Variants in SGMS1 observed in about 807,000 individuals in gnomAD.
SGMS1 encodes sphingomyelin synthase 1, also known as phosphatidylcholine:ceramide cholinephosphotransferase 1.
A neutral mutation model predicts 46.2 loss-of-function variants in SGMS1; 13 were observed. That is an observed-to-expected ratio of 0.28 (90% CI 0.18 to 0.45). The LOEUF is 0.45. Among genes scored for constraint, SGMS1 ranks in the 20% least tolerant of loss-of-function variants. The pLI is 1.00. For missense variants in SGMS1, 324 were observed against 519.9 expected (o/e 0.62, Z 3.66); for synonymous variants, 203 against 187.8 (o/e 1.08, Z -0.66).
chr10:50,540,030 C>T (rs996006205), intron 2 of SGMS1, among the ~76,000 whole-genome samples: 2 of 152,070 alleles, frequency 1.3e-5, no homozygotes, highest in African/African-American at 4.8e-5. Flanking sequence ...TTTGAATATG[C>T]TCTACTAATT....
chr10:50,417,764 A>C (rs1330431626), intron 6 of SGMS1, among the ~76,000 whole-genome samples: 1 of 152,164 alleles, frequency 6.6e-6, no homozygotes, highest in Non-Finnish European at 1.5e-5. Flanking sequence ...TGATAACCCC[A>C]AACAGAAACC....
intron 6 of SGMS1, among the ~76,000 whole-genome samples, chr10:50,355,145 T>A (rs1848119143): frequency 6.6e-6 from 1 of 152,222 alleles, no homozygotes; most frequent in Admixed American, 6.5e-5. Context: ...CATGCACATG[T>A]ATGTTTACTG....
chr10:50,504,921 A>T (rs1296731509), intron 3 of SGMS1, among the ~76,000 whole-genome samples: 1 of 152,208 alleles, frequency 6.6e-6, no homozygotes, highest in African/African-American at 2.4e-5. Context: ...AAGATACAAT[A>T]AAAAAGTCAA....
chr10:50,545,343 T>C (rs1277466065), intron 2 of SGMS1, among the ~76,000 whole-genome samples: 1 of 152,160 alleles, frequency 6.6e-6, no homozygotes, highest in Non-Finnish European at 1.5e-5. Context: ...AGCCAAGGCA[T>C]TGGAAAGTAG....
At chr10:50,409,716 A>T (rs891915109) in intron 6 of SGMS1, among the ~76,000 whole-genome samples, 3 of 152,206 alleles carry the variant, frequency 2.0e-5, no homozygotes, top group Non-Finnish European at 4.4e-5. Flanking sequence ...CTCTTTCGAT[A>T]TATCAACGGG....
intron 7 of SGMS1, chr10:50,335,943 T>C (rs531975313): frequency 6.6e-6 from 1 of 152,340 alleles, no homozygotes; most frequent in South Asian, 2.1e-4. Flanking sequence ...AAATCTACAA[T>C]TTCCCTATAA....
At chr10:50,600,868 G>A (rs892006365) in intron 1 of SGMS1, among the ~76,000 whole-genome samples, 1 of 152,178 alleles carries the variant, frequency 6.6e-6, no homozygotes, top group African/African-American at 2.4e-5. Context: ...CTAGGAAGAT[G>A]AGGACAAATC....
At chr10:50,535,458 C>T (rs1207078573) in intron 2 of SGMS1, among the ~76,000 whole-genome samples, 3 of 151,718 alleles carry the variant, frequency 2.0e-5, no homozygotes, top group Non-Finnish European at 4.4e-5. Flanking sequence ...CTCCGCCTCC[C>T]GGGTTCAAGC....
chr10:50,538,925 T>C (rs1010681335), intron 2 of SGMS1, among the ~76,000 whole-genome samples: 1 of 152,230 alleles, frequency 6.6e-6, no homozygotes, highest in Non-Finnish European at 1.5e-5. Flanking sequence ...ATCAACACCC[T>C]GGATTTCCCC....
chr10:50,392,523 G>A (rs1178390774), intron 6 of SGMS1, among the ~76,000 whole-genome samples: 1 of 152,160 alleles, frequency 6.6e-6, no homozygotes, highest in Non-Finnish European at 1.5e-5. Context: ...CTACTGAGAC[G>A]TGAACTGCAT....
In SGMS1 at chr10:50,583,688, C is replaced by T. The variant is rs199896844; in HGVS notation, c.-589+6465G>A. Among the ~76,000 whole-genome samples the T allele has an allele frequency of 2.0e-5, 3 of 152,156 alleles. No individual in the cohort carries two copies. In the East Asian group the frequency reaches 5.8e-4, roughly 29 times the overall value. The stretch of plus-strand genomic sequence containing the variant: ...GCCCCTCCTGAAGGCAGATCCAGTC[C>T]TTAGATTTGCAATTACTTAAGGCCA... On this transcript the variant is annotated intron_variant, in intron 2 of 10. Coordinates refer to ENST00000361781, the MANE Select transcript of SGMS1 (RefSeq NM_147156.4).
intron 6 of SGMS1, among the ~76,000 whole-genome samples, chr10:50,416,325 C>G (rs1849168688): frequency 6.6e-6 from 1 of 152,138 alleles, no homozygotes; most frequent in Non-Finnish European, 1.5e-5. Flanking sequence ...CCTTACTGAG[C>G]CTGTTCTTCA....
In SGMS1 at chr10:50,569,299, T is replaced by TAAAA. The variant is rs72066798; in HGVS notation, c.-589+20850_-589+20853dup. ...ACATGTATCCCAGAACTTAAAGTAT[T>TAAAA]AAAAAAAAAAAAAAAAAAGAGTGGT... On this transcript the variant is annotated intron_variant, in intron 2 of 10. Transcript: ENST00000361781. Among the ~76,000 whole-genome samples, 216 of 130,484 alleles carry TAAAA rather than the reference T, an allele frequency of 1.7e-3. 6 individuals carry two copies. Among genetic ancestry groups the TAAAA allele is most frequent in the Middle Eastern group, 0.017 (4 of 242 alleles). 85.6% of individuals were successfully genotyped at this position (130,484 alleles called of 152,430 possible). A position where few individuals can be genotyped will look rare whatever the true frequency, so the allele number is the denominator to read the frequency against.
intron 3 of SGMS1, among the ~76,000 whole-genome samples, chr10:50,509,273 A>G (rs1837733752): frequency 6.6e-6 from 1 of 152,226 alleles, no homozygotes. Flanking sequence ...GTTGATTATC[A>G]AGAAACACAG....
intron 7 of SGMS1, among the ~76,000 whole-genome samples, chr10:50,336,925 A>C (rs1424903379): frequency 2.6e-5 from 4 of 152,228 alleles, no homozygotes; most frequent in Admixed American, 2.6e-4. Flanking sequence ...TAGGATAATA[A>C]TTTTTGACAT....
At chr10:50,410,545 A>T (rs1193480332) in intron 6 of SGMS1, among the ~76,000 whole-genome samples, 2 of 152,222 alleles carry the variant, frequency 1.3e-5, no homozygotes, top group Non-Finnish European at 2.9e-5. Context: ...GCATAGTTAC[A>T]TGAAGTGGCC....
chr10:50,388,666 A>G (rs1263948452), intron 6 of SGMS1, among the ~76,000 whole-genome samples: 5 of 152,104 alleles, frequency 3.3e-5, no homozygotes, highest in Admixed American at 1.3e-4. Flanking sequence ...CCTCACATAT[A>G]GCGAGCGCTT....
intron 2 of SGMS1, among the ~76,000 whole-genome samples, chr10:50,537,565 T>C (rs1838013661): frequency 1.3e-5 from 2 of 152,010 alleles, no homozygotes; most frequent in Admixed American, 6.6e-5. Context: ...CATTAACTCG[T>C]CATTTACATT....
intron 3 of SGMS1, among the ~76,000 whole-genome samples, chr10:50,499,361 T>C (rs1837642435): frequency 6.6e-6 from 1 of 152,150 alleles, no homozygotes; most frequent in Non-Finnish European, 1.5e-5. Context: ...GCTCTCTGGC[T>C]CCTAAGAAGC....
Sources: gnomAD v4.1 joint callset for allele counts (sites outside exome capture counted in the v4.1 genomes callset) on GRCh38, gnomAD v4.1.1 for gene constraint, MANE v1.5 for transcripts, NCBI Gene and HGNC (gene_info 2026-07-23, HGNC 2026-07-21) for gene names.